Variants in PDE10A observed in about 807,000 individuals in gnomAD.
PDE10A encodes cAMP and cAMP-inhibited cGMP 3',5'-cyclic phosphodiesterase 10A.
Under a neutral mutation model 97.7 loss-of-function variants are expected in PDE10A, and 39 were observed. The ratio of observed to expected loss-of-function variants is 0.40; its 90% CI spans 0.31 to 0.52. PDE10A has a LOEUF of 0.52. Ranked by LOEUF, PDE10A falls within the 20% of genes least tolerant of loss-of-function variation. PDE10A has a pLI of 0.56. For missense variants in PDE10A, 731 were observed against 1,047.8 expected (o/e 0.70, Z 4.17); for synonymous variants, 371 against 376.8 (o/e 0.98, Z 0.18).
At chr6:165,875,091 G>T (rs1425207130) in intron 1 of PDE10A, among the ~76,000 whole-genome samples, 1 of 152,170 alleles carries the variant, frequency 6.6e-6, no homozygotes, top group African/African-American at 2.4e-5. Context: ...AGAAAGGTTT[G>T]GGGGATTGTT....
intron 1 of PDE10A, among the ~76,000 whole-genome samples, chr6:165,784,968 C>G (rs748313793): frequency 6.6e-6 from 1 of 152,126 alleles, no homozygotes; most frequent in Admixed American, 6.6e-5. Flanking sequence ...TCCTTTATCC[C>G]GCAAAGTGTC....
chr6:165,816,088 T>G (rs1779401570), intron 1 of PDE10A, among the ~76,000 whole-genome samples: 1 of 152,130 alleles, frequency 6.6e-6, no homozygotes, highest in African/African-American at 2.4e-5. Context: ...TAGCTGGGAC[T>G]ACAGGCGCCC....
Position 165,330,695 on chromosome 6 carries a change from TA to T in PDE10A, c.*2329del, listed in dbSNP as rs2128171131. Reference sequence around the variant, plus strand: ...ATTAAGAGAATTTTCTGTAATAACCTAAAAATGTAAATGTAGCCATGAGATT... The same window carrying T: ...ATTAAGAGAATTTTCTGTAATAACCTAAAATGTAAATGTAGCCATGAGATT... On this transcript the variant is annotated 3_prime_UTR_variant, in exon 22 of 22. Transcript: ENST00000539869. 6.6e-6 allele frequency: 1 copy of T among 152,300 alleles called. No homozygotes were observed. Among genetic ancestry groups the T allele is most frequent in the African/African-American group, 2.4e-5 (1 of 41,566 alleles). The allele number at this position is 152,300 out of a possible 1,614,324, so 9.4% of individuals were successfully genotyped here.
chr6:165,824,768 GA>G (rs926108188), intron 1 of PDE10A, among the ~76,000 whole-genome samples: 2 of 151,378 alleles, frequency 1.3e-5, no homozygotes, highest in East Asian at 1.9e-4. Flanking sequence ...ATTTCTTATG[GA>G]AAAAAAAGCA....
chr6:165,697,921 A>G (rs1438196548), intron 1 of PDE10A, among the ~76,000 whole-genome samples: 2 of 152,198 alleles, frequency 1.3e-5, no homozygotes, highest in Admixed American at 6.5e-5. Context: ...AGAAAAGAAG[A>G]AAGAGCATCC....
chr6:165,470,505 G>GT (rs1235624357), intron 3 of PDE10A, among the ~76,000 whole-genome samples: 2 of 152,176 alleles, frequency 1.3e-5, no homozygotes, highest in Non-Finnish European at 2.9e-5. Context: ...TAGAGGATAA[G>GT]TAAGTCAACT....
In PDE10A at chr6:165,388,540, TTC is replaced by T. The variant is rs1785458053; in HGVS notation, c.2455-89_2455-88del. The T allele has an allele frequency of 9.0e-6, 11 of 1,224,928 alleles. No individual in the cohort carries two copies. The highest frequency in any genetic ancestry group is 1.1e-5 in the Non-Finnish European group (9 of 840,672). 75.9% of individuals were successfully genotyped at this position (1,224,928 alleles called of 1,614,324 possible). ...CCGCTTACATTCATGTCACATTACT[TTC>T]TGGCATTAATATAGCACAAATACAG... On this transcript the variant is annotated intron_variant, in intron 16 of 21. Coordinates refer to ENST00000539869, the MANE Select transcript of PDE10A (RefSeq NM_001385079.1). The surrounding 1 kb of genome is among the most constrained non-coding windows in gnomAD (Gnocchi z 4.0).
chr6:165,802,253 CAT>C (rs952855450), intron 1 of PDE10A, among the ~76,000 whole-genome samples: 6 of 152,216 alleles, frequency 3.9e-5, no homozygotes, highest in Non-Finnish European at 5.9e-5. Context: ...TTTCTTCCCA[CAT>C]GACTTCTGCT....
intron 1 of PDE10A, among the ~76,000 whole-genome samples, chr6:165,569,559 ATC>A (rs977228194): frequency 6.6e-6 from 1 of 152,166 alleles, no homozygotes; most frequent in Non-Finnish European, 1.5e-5. Context: ...TAATATAACT[ATC>A]TCTGTTTACC....
intron 1 of PDE10A, among the ~76,000 whole-genome samples, chr6:165,586,640 T>C (rs1294196459): frequency 6.6e-6 from 1 of 152,184 alleles, no homozygotes; most frequent in East Asian, 1.9e-4. Flanking sequence ...AGAAATAATA[T>C]TCTAAATCAT....
intron 1 of PDE10A, among the ~76,000 whole-genome samples, chr6:165,725,003 G>A (rs1792257482): frequency 6.6e-6 from 1 of 152,208 alleles, no homozygotes; most frequent in African/African-American, 2.4e-5. Context: ...ACCTAGGTGA[G>A]AACAGGCATT....
intron 18 of PDE10A, among the ~76,000 whole-genome samples, chr6:165,366,824 A>T (rs1283530680): frequency 6.6e-6 from 1 of 152,210 alleles, no homozygotes; most frequent in Admixed American, 6.5e-5. Context: ...TTAAAGGAAC[A>T]TACTCATATA....
At chr6:165,761,543 T>C (rs1793251111) in intron 1 of PDE10A, among the ~76,000 whole-genome samples, 1 of 152,198 alleles carries the variant, frequency 6.6e-6, no homozygotes, top group Non-Finnish European at 1.5e-5. Context: ...GCCTGGCTTT[T>C]TCTTTAAATT....
At chr6:165,748,094 A>G (rs1232663217) in intron 1 of PDE10A, among the ~76,000 whole-genome samples, 1 of 152,210 alleles carries the variant, frequency 6.6e-6, no homozygotes, top group Non-Finnish European at 1.5e-5. Flanking sequence ...GCCTGCTCAC[A>G]GGAGAGACCT....
chr6:165,524,814 G>T (rs1011534630), intron 2 of PDE10A, among the ~76,000 whole-genome samples: 1 of 152,168 alleles, frequency 6.6e-6, no homozygotes, highest in African/African-American at 2.4e-5. Context: ...GATTGGAAAA[G>T]AATGGGACCC....
chr6:165,421,569 C>T (rs1006614643), intron 10 of PDE10A, among the ~76,000 whole-genome samples: 8 of 152,166 alleles, frequency 5.3e-5, no homozygotes, highest in Middle Eastern at 3.4e-3. Flanking sequence ...TTATACCAAA[C>T]GGTAAAATAA....
chr6:165,338,944 G>A (rs1781811243), intron 20 of PDE10A, among the ~76,000 whole-genome samples: 1 of 152,148 alleles, frequency 6.6e-6, no homozygotes, highest in South Asian at 2.1e-4. Context: ...TCCTCACTGT[G>A]GCTTTTAGCC....
chr6:165,619,321 G>GGTGTAGTCTAGTGTAGTGTAGTCTA, intron 1 of PDE10A, among the ~76,000 whole-genome samples: 1 of 40,898 alleles, frequency 2.4e-5, no homozygotes, highest in Middle Eastern at 0.018. Context: ...AGTCTAGTGT[G>GGTGTAGTCTAGTGTAGTGTAGTCTA]GTGTAGTGTA....
chr6:165,696,286 C>T (rs1385027133), intron 1 of PDE10A, among the ~76,000 whole-genome samples: 4 of 152,156 alleles, frequency 2.6e-5, no homozygotes, highest in Non-Finnish European at 1.5e-5. Context: ...TATGGTCAAC[C>T]TCATTCTGAA....
Sources: allele counts gnomAD v4.1 joint callset (sites outside exome capture counted in the v4.1 genomes callset), GRCh38; gene constraint gnomAD v4.1.1; non-coding constraint Gnocchi (gnomAD v3.1); transcripts MANE v1.5; gene names NCBI Gene and HGNC (gene_info 2026-07-23, HGNC 2026-07-21).